The following PNLIPRP3 variants were observed in gnomAD, a reference collection of about 807,000 sequenced individuals.
PNLIPRP3 encodes the protein pancreatic lipase related protein 3, also known as pancreatic lipase-related protein 3.
Under a neutral mutation model 52.8 loss-of-function variants are expected in PNLIPRP3, and 58 were observed. That is an observed-to-expected ratio of 1.10 (90% confidence interval 0.89 to 1.37). The LOEUF (loss-of-function observed/expected upper bound fraction) is 1.37, where lower values mean the gene tolerates loss of function less well. Ranked by LOEUF, PNLIPRP3 falls within the 40% of genes most tolerant of loss-of-function variation. The pLI is 0.00. For missense variants in PNLIPRP3, 593 were observed against 561.6 expected (o/e 1.06, Z -0.57); for synonymous variants, 192 against 185.0 (o/e 1.04, Z -0.31).
At chr10:116,472,299 G>A (rs948999414) in intron 10 of PNLIPRP3, among the ~76,000 whole-genome samples, 25 of 152,246 alleles carry the variant, frequency 1.6e-4, no homozygotes, top group Middle Eastern at 3.4e-3. Context: ...CACAGATACA[G>A]GACATGTGTT....
intron 2 of PNLIPRP3, among the ~76,000 whole-genome samples, chr10:116,437,840 C>T (rs993060968): frequency 3.3e-5 from 5 of 152,112 alleles, no homozygotes; most frequent in Non-Finnish European, 7.4e-5. Flanking sequence ...TGCTCAATAG[C>T]CACATGTGGC....
intron 2 of PNLIPRP3, among the ~76,000 whole-genome samples, chr10:116,440,414 A>G (rs1845841362): frequency 6.6e-6 from 1 of 152,154 alleles, no homozygotes; most frequent in Non-Finnish European, 1.5e-5. Flanking sequence ...GGAAAGAATC[A>G]TGTGTAATTA....
At chr10:116,441,120 T>C (rs554634685) in intron 2 of PNLIPRP3, among the ~76,000 whole-genome samples, 1 of 152,290 alleles carries the variant, frequency 6.6e-6, no homozygotes, top group Non-Finnish European at 1.5e-5. Context: ...GTATGGAGTT[T>C]CCCACATTTA....
chr10:116,465,248 A>G (rs751982562), intron 7 of PNLIPRP3, among the ~76,000 whole-genome samples: 15 of 151,880 alleles, frequency 9.9e-5, no homozygotes, highest in Non-Finnish European at 1.9e-4. Flanking sequence ...TGGTTAAAAA[A>G]CCTTGTTCAG....
chr10:116,438,762 T>G (rs1012970915), intron 2 of PNLIPRP3, among the ~76,000 whole-genome samples: 2 of 152,100 alleles, frequency 1.3e-5, no homozygotes, highest in Non-Finnish European at 2.9e-5. Context: ...GTTATATGAG[T>G]TTGACCAATT....
At chr10:116,458,916 T>C (rs1421643184) in intron 5 of PNLIPRP3, among the ~76,000 whole-genome samples, 1 of 152,130 alleles carries the variant, frequency 6.6e-6, no homozygotes, top group Non-Finnish European at 1.5e-5. Flanking sequence ...TAGGGTTCAT[T>C]CTCTCCTTGA....
At chr10:116,443,202 A>C (rs1476866974) in intron 3 of PNLIPRP3, 28 bp downstream of exon 3, 3 of 1,592,956 alleles carry the variant, frequency 1.9e-6, no homozygotes, top group Non-Finnish European at 2.6e-6. Context: ...TCCTTTTTAC[A>C]CTAGCATGCG....
chr10:116,465,694 T>G (rs961519435), intron 7 of PNLIPRP3, among the ~76,000 whole-genome samples: 1 of 152,198 alleles, frequency 6.6e-6, no homozygotes, highest in Admixed American at 6.5e-5. Context: ...TTCACACTGT[T>G]TTTGGCTTAA....
Position 116,466,134 on chromosome 10 carries a change from C to T in PNLIPRP3, c.893C>T (p.Ala298Val), listed in dbSNP as rs779947197. 6.2e-7 allele frequency: 1 copy of T among 1,611,954 alleles called. No individual in the cohort carries two copies. The highest frequency in any genetic ancestry group is 2.2e-5 in the East Asian group (1 of 44,842). ...ATTCTTAATCCTGATGCATTTATTG[C>T]TTATCCTTGTAGATCCTACACATCT... ...ESILNPDAFI[A>V]YPCRSYTSFK... Residue 298 changes from alanine (A) to valine (V), a missense_variant, in exon 8 of 12, where the codon GCT becomes GTT. Ala to Val is a moderately conservative substitution (Grantham distance 64). Transcript: ENST00000369230.
At chr10:116,455,435 G>A (rs1846098387) in intron 4 of PNLIPRP3, among the ~76,000 whole-genome samples, 1 of 152,156 alleles carries the variant, frequency 6.6e-6, no homozygotes, top group South Asian at 2.1e-4. Flanking sequence ...GGAGCTAGAA[G>A]CCACGAATAT....
intron 9 of PNLIPRP3, among the ~76,000 whole-genome samples, chr10:116,470,731 A>G (rs1846356408): frequency 6.6e-6 from 1 of 152,076 alleles, no homozygotes; most frequent in Admixed American, 6.5e-5. Flanking sequence ...GATGGTCTCC[A>G]TCTCCTGACC....
chr10:116,431,773 C>T (rs1845712287), intron 1 of PNLIPRP3, among the ~76,000 whole-genome samples: 1 of 152,090 alleles, frequency 6.6e-6, no homozygotes, highest in Admixed American at 6.6e-5. Flanking sequence ...ATGTCTTCTC[C>T]CTGTCTCCAT....
rs1226826152 is a variant in PNLIPRP3, at chr10:116,443,093, A to G, written c.243A>G (p.Ser81=). The G allele has an allele frequency of 1.2e-6, 2 of 1,608,842 alleles. No individual in the cohort carries two copies. The highest frequency in any genetic ancestry group is 1.7e-5 in the Admixed American group (1 of 59,846). Residue 81 remains serine (S), a synonymous_variant, in exon 3 of 12, where the codon TCA becomes TCG. Coordinates refer to ENST00000369230, the MANE Select transcript of PNLIPRP3 (RefSeq NM_001011709.3). ...TTAATTCTTCAACTATCCAAGCCTC[A>G]TATTTTGGAACAGACAAGATCACCC... is the stretch of plus-strand genomic sequence containing the variant. ...SAVNSSTIQA[S]YFGTDKITRI...
chr10:116,429,122 A>G (rs2033399), intron 1 of PNLIPRP3, among the ~76,000 whole-genome samples: 134,371 of 152,076 alleles, frequency 0.88, 59,925 homozygotes, highest in South Asian at 0.97. Context: ...GAAACATTTT[A>G]AGCACTAACA....
At chr10:116,447,216 T>A (rs961232912) in intron 4 of PNLIPRP3, among the ~76,000 whole-genome samples, 1 of 152,188 alleles carries the variant, frequency 6.6e-6, no homozygotes, top group Non-Finnish European at 1.5e-5. Context: ...TTGGAAGTGC[T>A]GATGGCACTC....
chr10:116,436,737 G>T lies in PNLIPRP3; in HGVS notation c.76G>T (p.Gly26Trp). 2 of 1,612,710 alleles carry T rather than the reference G, an allele frequency of 1.2e-6. No individual in the cohort carries two copies. The highest frequency in any genetic ancestry group is 2.2e-5 in the South Asian group (2 of 90,862). Residue 26 changes from glycine to tryptophan, a missense_variant, in exon 2 of 12, where the codon GGG (glycine) becomes TGG (tryptophan). Physicochemically the swap from Gly to Trp is radical, Grantham distance 184. Coordinates refer to ENST00000369230, the MANE Select transcript of PNLIPRP3 (RefSeq NM_001011709.3). ...RGKEVCYERL[G>W]CFKDGLPWTR... Reference sequence around the variant, plus strand: ...AAAAGAAGTTTGCTATGAAAGGTTAGGGTGTTTCAAAGATGGTTTACCATG... The same window carrying T: ...AAAAGAAGTTTGCTATGAAAGGTTATGGTGTTTCAAAGATGGTTTACCATG...
chr10:116,427,954 T>C lies in PNLIPRP3; in HGVS notation c.-59T>C. 7.7e-7 allele frequency: 1 copy of C among 1,299,236 alleles called. No individual in the cohort carries two copies. Among genetic ancestry groups the C allele is most frequent in the Non-Finnish European group, 1.1e-6 (1 of 897,854 alleles). The allele number at this position is 1,299,236 out of a possible 1,614,324, so 80.5% of individuals were successfully genotyped here. ...AACCACTTAGTATTTTATAGTGAGG[T>C]GACTTTACAAGTAAAGATCTTCAAG... On this transcript the variant is annotated 5_prime_UTR_variant, in exon 1 of 12. Coordinates refer to ENST00000369230, the MANE Select transcript of PNLIPRP3 (RefSeq NM_001011709.3).
chr10:116,467,103 T>C (rs1030962738), intron 8 of PNLIPRP3, among the ~76,000 whole-genome samples: 70 of 152,092 alleles, frequency 4.6e-4, no homozygotes, highest in African/African-American at 1.4e-3. Flanking sequence ...GAGATAAGAG[T>C]TAATCTGCCA....
rs145872990 is a variant in PNLIPRP3, at chr10:116,444,410, G to T, written c.353G>T (p.Cys118Phe). 10 of 1,609,832 alleles carry T rather than the reference G, an allele frequency of 6.2e-6. No homozygotes were observed. Among genetic ancestry groups the T allele is most frequent in the Middle Eastern group, 1.6e-4 (1 of 6,078 alleles). ...NVLLQLEDINCINLDWINGSR... is the reference protein window; with the variant it reads ...NVLLQLEDINFINLDWINGSR... ...TTGCTACAGCTGGAAGATATAAATT[G>T]CATTAATTTAGATTGGATCAACGGT... The change falls in exon 4 of 12, where the codon TGC becomes TTC. Residue 118 changes from cysteine (C) to phenylalanine (F), a missense_variant. Physicochemically the swap from Cys to Phe is radical, Grantham distance 205. Transcript: ENST00000369230.
Sources: gnomAD v4.1 joint callset for allele counts (sites outside exome capture counted in the v4.1 genomes callset) on GRCh38, gnomAD v4.1.1 for gene constraint, MANE v1.5 for transcripts, NCBI Gene and HGNC (gene_info 2026-07-23, HGNC 2026-07-21) for gene names.